EIF2AK2: variants seen among roughly 807,000 people sequenced by gnomAD.
EIF2AK2 encodes the protein interferon-induced, double-stranded RNA-activated protein kinase.
EIF2AK2 carries 40 observed loss-of-function variants against 70.5 expected under a neutral mutation model. The observed-to-expected ratio is 0.57, with a 90% CI of 0.44 to 0.74. EIF2AK2 has a LOEUF of 0.74. EIF2AK2 is among the 30% of genes least tolerant of loss of function. The pLI is 0.00. For synonymous variants in EIF2AK2, 198 were observed against 220.9 expected (o/e 0.90, Z 0.92); for missense variants, 555 against 644.3 (o/e 0.86, Z 1.50).
In EIF2AK2 at chr2:37,140,105, G is replaced by C. The variant is rs186253837; in HGVS notation, c.390-348C>G. On this transcript the variant is annotated intron_variant, in intron 5 of 16. Coordinates refer to ENST00000233057, the MANE Select transcript of EIF2AK2 (RefSeq NM_001135651.3). ...TAGAAAAGAAAGAAAGAGATCCAGT[G>C]AATTTTTTCAGAGGTGCTCAAATGG... Among the ~76,000 whole-genome samples the C allele has an allele frequency of 1.1e-3, 174 of 152,122 alleles. 1 individual carries two copies. In the Middle Eastern group the frequency reaches 0.014, roughly 12 times the overall value.
Position 37,148,952 on chromosome 2 carries a change from G to T in EIF2AK2, c.-112C>A, listed in dbSNP as rs1675651521. On this transcript the variant is annotated 5_prime_UTR_variant, in exon 2 of 17. Transcript: ENST00000233057. ...CAGAGAAGCAAACCTGAGTCAGATG[G>T]AAGAACTGCTAAAGTTTTGAGGTCA... 3 of 824,992 alleles carry T rather than the reference G, an allele frequency of 3.6e-6. No individual in the cohort carries two copies. The highest frequency in any genetic ancestry group is 6.5e-6 in the Non-Finnish European group (3 of 458,808). 51.1% of individuals were successfully genotyped at this position (824,992 alleles called of 1,614,324 possible). A position where few individuals can be genotyped will look rare whatever the true frequency, so the allele number is the denominator to read the frequency against.
At chr2:37,121,435 A>G (rs921891170) in intron 12 of EIF2AK2, among the ~76,000 whole-genome samples, 2 of 152,050 alleles carry the variant, frequency 1.3e-5, no homozygotes, top group East Asian at 1.9e-4. Flanking sequence ...TTAATTCACC[A>G]TTGATCTACT....
intron 10 of EIF2AK2, among the ~76,000 whole-genome samples, chr2:37,130,470 G>A (rs543040406): frequency 1.3e-5 from 2 of 152,262 alleles, no homozygotes; most frequent in East Asian, 3.9e-4. Context: ...TACAAAACCA[G>A]ATGGCTCCTA....
chr2:37,143,873 C>T (rs190979927), intron 4 of EIF2AK2, among the ~76,000 whole-genome samples: 5 of 151,866 alleles, frequency 3.3e-5, no homozygotes, highest in South Asian at 2.1e-4. Context: ...TGACAGAGTA[C>T]GACCCTGTCT....
intron 6 of EIF2AK2, among the ~76,000 whole-genome samples, chr2:37,139,349 G>C (rs1040321522): frequency 2.0e-5 from 3 of 150,376 alleles, no homozygotes; most frequent in African/African-American, 7.3e-5. Context: ...GAACTCAGGA[G>C]ATCCACCTGC....
chr2:37,142,870 T>C lies in EIF2AK2; in HGVS notation c.241-1169A>G, dbSNP rs536736381. On this transcript the variant is annotated intron_variant, in intron 4 of 16. Transcript: ENST00000233057. ...AAAAATTTTTACATTTTACATAGTT[T>C]TCCTCTTCTCTCTAGATGCTTATAA... 2.0e-5 allele frequency among the ~76,000 whole-genome samples: 3 copies of C among 152,310 alleles called. No homozygotes were observed. The South Asian group carries it at 6.2e-4, about 32-fold the overall frequency.
At chr2:37,117,211 C>CAAAAAAAAA (rs534964659) in intron 13 of EIF2AK2, among the ~76,000 whole-genome samples, 1 of 44,234 alleles carries the variant, frequency 2.3e-5, no homozygotes. Context: ...GACTCTGTCT[C>CAAAAAAAAA]AAAAAAAAAA....
intron 10 of EIF2AK2, 39 bp from the exon 11 acceptor site, chr2:37,126,450 C>T (rs1299736960): frequency 2.5e-6 from 4 of 1,592,144 alleles, no homozygotes; most frequent in African/African-American, 2.7e-5. Context: ...ACATTTCATG[C>T]TCAACCCCCA....
chr2:37,121,056 G>A (rs1674528486), intron 12 of EIF2AK2, among the ~76,000 whole-genome samples: 2 of 148,928 alleles, frequency 1.3e-5, no homozygotes, highest in Admixed American at 6.9e-5. Flanking sequence ...GAGGTCAGGA[G>A]ATCAAGACCA....
Position 37,110,146 on chromosome 2 carries a change from C to A in EIF2AK2, c.1378-851G>T, listed in dbSNP as rs1049911979. On this transcript the variant is annotated intron_variant, in intron 14 of 16. Transcript: ENST00000233057. ...AATGCAGTGGCGTGGTCTCGGCTCA[C>A]AGCAGCCCCCACCTCCCAGGTTCAA... 7.4e-4 allele frequency among the ~76,000 whole-genome samples: 112 copies of A among 152,030 alleles called. 1 individual carries two copies. The highest frequency in any genetic ancestry group is 1.5e-4 in the Non-Finnish European group (10 of 67,966).
intron 9 of EIF2AK2, among the ~76,000 whole-genome samples, chr2:37,136,369 TAC>T (rs1675126575): frequency 6.6e-6 from 1 of 152,244 alleles, no homozygotes; most frequent in Non-Finnish European, 1.5e-5. Flanking sequence ...ACTCTTCCTT[TAC>T]AGTCTTTCTC....
intron 10 of EIF2AK2, among the ~76,000 whole-genome samples, chr2:37,133,613 C>G (rs1040922744): frequency 2.6e-5 from 4 of 152,170 alleles, no homozygotes; most frequent in Admixed American, 2.6e-4. Context: ...ACTACACATC[C>G]AAACAATCAA....
At chr2:37,115,829 A>C (rs1674322304) in intron 13 of EIF2AK2, among the ~76,000 whole-genome samples, 1 of 152,138 alleles carries the variant, frequency 6.6e-6, no homozygotes, top group African/African-American at 2.4e-5. Context: ...GAAGCTAATA[A>C]CTAGCTCTGA....
chr2:37,139,691 T>C lies in EIF2AK2; in HGVS notation c.456A>G (p.Glu152=), dbSNP rs764704808. 1.9e-6 allele frequency: 3 copies of C among 1,614,146 alleles called. No homozygotes were observed. The highest frequency in any genetic ancestry group is 2.5e-6 in the Non-Finnish European group (3 of 1,180,014). ...CAAGTTTAGCGGCCAATTGTTTTGC[T>C]TCCTGTTTAGTAGAACCTGTACCAA... ...YSIGTGSTKQ[E]AKQLAAKLAY... The change falls in exon 6 of 17, where the codon GAA becomes GAG. Residue 152 remains glutamate, a synonymous_variant. Transcript: ENST00000233057.
chr2:37,127,741 ATT>A (rs34321110), intron 10 of EIF2AK2, among the ~76,000 whole-genome samples: 59,630 of 125,858 alleles, frequency 0.47, 14,278 homozygotes, highest in Admixed American at 0.58. Flanking sequence ...TGTTCCTGCA[ATT>A]TTTTTTTTTT....
At chr2:37,109,471 G>T (rs1294267385) in intron 14 of EIF2AK2, 176 bp from the exon 15 acceptor site, 6 of 552,304 alleles carry the variant, frequency 1.1e-5, no homozygotes, top group Non-Finnish European at 2.0e-5. Flanking sequence ...CCGAATAGCT[G>T]AATCCTCTGT....
In EIF2AK2 at chr2:37,148,688, A is replaced by G. The variant is rs563767580; in HGVS notation, c.-17+169T>C. 3.3e-4 allele frequency: 265 copies of G among 814,584 alleles called. 1 individual carries two copies. The African/African-American group carries it at 4.0e-3, about 12-fold the overall frequency. The allele number at this position is 814,584 out of a possible 1,614,324, so 50.5% of individuals were successfully genotyped here. A position where few individuals can be genotyped will look rare whatever the true frequency, so the allele number is the denominator to read the frequency against. ...TGGAAGGACACTTTCTAGGAACAAT[A>G]CAATTTGCTTTCATCACATAAAAAT... On this transcript the variant is annotated intron_variant, in intron 2 of 16. Transcript: ENST00000233057.
chr2:37,115,045 CTT>C (rs1183840580), intron 13 of EIF2AK2, among the ~76,000 whole-genome samples, 186 bp from the exon 14 acceptor site: 11 of 138,040 alleles, frequency 8.0e-5, no homozygotes, highest in Non-Finnish European at 1.4e-4. Flanking sequence ...GTCAGGATTT[CTT>C]TTTTTTTTTT....
At chr2:37,156,181 A>AAGAAGAAAC (rs1180902613) in intron 1 of EIF2AK2, among the ~76,000 whole-genome samples, 3 of 152,128 alleles carry the variant, frequency 2.0e-5, no homozygotes, top group Non-Finnish European at 4.4e-5. Context: ...AAGCAGTGCA[A>AAGAAGAAAC]AGGCCTAGAG....
Sources: gnomAD v4.1 joint callset for allele counts (sites outside exome capture counted in the v4.1 genomes callset) on GRCh38, gnomAD v4.1.1 for gene constraint, MANE v1.5 for transcripts, NCBI Gene and HGNC (gene_info 2026-07-23, HGNC 2026-07-21) for gene names.